Variants in ACACA observed in about 807,000 individuals in gnomAD.
ACACA encodes the protein acetyl-CoA carboxylase 1.
A neutral mutation model predicts 296.1 loss-of-function variants in ACACA; 103 were observed. The observed-to-expected ratio is 0.35, with a 90% CI of 0.30 to 0.41. The LOEUF is 0.41. Among genes scored for constraint, ACACA ranks in the 10% least tolerant of loss-of-function variants. ACACA has a pLI of 1.00. For synonymous variants in ACACA, 953 were observed against 1,038.6 expected, an observed-to-expected ratio of 0.92 and a Z score of 1.58; for missense variants, 1,554 against 2,989.7, an observed-to-expected ratio of 0.52 and a Z score of 11.20.
At position 37,283,413 on chromosome 17, in the gene ACACA, G is replaced by A; in HGVS notation, c.472-8C>T. 1.2e-6 allele frequency: 2 copies of A among 1,614,058 alleles called. No individual in the cohort carries two copies. The highest frequency in any genetic ancestry group is 1.7e-6 in the Non-Finnish European group (2 of 1,179,960). On this transcript the variant is annotated splice_polypyrimidine_tract_variant and splice_region_variant and intron_variant, in intron 4 of 55. Coordinates refer to ENST00000616317, the MANE Select transcript of ACACA (RefSeq NM_198834.3). ...ATTGTTAGCAATAAGAACCTGGGAG[G>A]GGGAAGGAGATGGGAATGGGAAGAA...
intron 3 of ACACA, chr17:37,301,535 G>A (rs571270783): frequency 7.5e-5 from 22 of 293,732 alleles, no homozygotes; most frequent in African/African-American, 5.0e-4. Context: ...CACACTGTGA[G>A]AGACTGTTTT....
chr17:37,244,737 G>A lies in ACACA; in HGVS notation c.2596-3C>T, dbSNP rs1448020665. On this transcript the variant is annotated splice_polypyrimidine_tract_variant and splice_region_variant and intron_variant, in intron 20 of 55. Transcript: ENST00000616317. ...AGACTACCTGTGTGAAGTTCAGCCT[G>A]TCAACCCCAACAAGAGATCAAGTCA... The A allele has an allele frequency of 1.2e-6, 2 of 1,614,048 alleles. No individual in the cohort carries two copies. The highest frequency in any genetic ancestry group is 1.7e-6 in the Non-Finnish European group (2 of 1,180,036).
chr17:37,200,119 T>A lies in ACACA; in HGVS notation c.4158+20A>T. 6.4e-7 allele frequency: 1 copy of A among 1,554,952 alleles called. No homozygotes were observed. Among genetic ancestry groups the A allele is most frequent in the South Asian group, 1.1e-5 (1 of 89,796 alleles). On this transcript the variant is annotated intron_variant, in intron 35 of 55. Coordinates refer to ENST00000616317, the MANE Select transcript of ACACA (RefSeq NM_198834.3). ...AAATAAAACAGTAAGTAATCTTTCA[T>A]TATTGTTCATTTTACTTACATGAAA...
intron 1 of ACACA, among the ~76,000 whole-genome samples, chr17:37,357,079 G>T (rs2049176818): frequency 6.6e-6 from 1 of 152,198 alleles, no homozygotes; most frequent in Non-Finnish European, 1.5e-5. Context: ...CAGGTCTTCA[G>T]CATTACCTAG....
Position 37,113,319 on chromosome 17 carries a change from T to G in ACACA, c.6275-54A>C. The G allele has an allele frequency of 6.3e-7, 1 of 1,583,190 alleles. No individual in the cohort carries two copies. The highest frequency in any genetic ancestry group is 1.1e-5 in the South Asian group (1 of 88,796). On this transcript the variant is annotated intron_variant, in intron 50 of 55. Transcript: ENST00000616317. This position sits in a 1 kb window ranked among gnomAD's most constrained non-coding sequence, Gnocchi z 4.0. ...AAGAAATTTCTCTTCCTCAAAGCAG[T>G]ACTTTTAAACACTGTTCAGGACCTC...
chr17:37,380,076 C>G (rs2050179452), intron 1 of ACACA, among the ~76,000 whole-genome samples: 3 of 151,740 alleles, frequency 2.0e-5, no homozygotes, highest in Admixed American at 2.0e-4. Flanking sequence ...ACATATACAC[C>G]ATGGAATACT....
chr17:37,256,854 A>T (rs946789516), intron 14 of ACACA, among the ~76,000 whole-genome samples: 7 of 152,212 alleles, frequency 4.6e-5, no homozygotes, highest in African/African-American at 1.7e-4. Context: ...TTAGTAATTA[A>T]TACTAATAAA....
intron 2 of ACACA, among the ~76,000 whole-genome samples, chr17:37,336,424 G>C (rs533050128): frequency 6.6e-6 from 1 of 152,164 alleles, no homozygotes; most frequent in Non-Finnish European, 1.5e-5. Context: ...GAAGGTGACC[G>C]CTTCCACCTT....
intron 6 of ACACA, among the ~76,000 whole-genome samples, 185 bp downstream of exon 6, chr17:37,277,710 CT>C (rs2082339083): frequency 6.6e-6 from 1 of 150,896 alleles, no homozygotes; most frequent in Non-Finnish European, 1.5e-5. Flanking sequence ...ATTACGTTTA[CT>C]TTATTTTTAG....
chr17:37,248,231 A>C, intron 17 of ACACA, 75 bp from the exon 18 acceptor site: 1 of 1,561,166 alleles, frequency 6.4e-7, no homozygotes, highest in Non-Finnish European at 8.8e-7. Context: ...TGCTTCAAAA[A>C]TACAGATAAG....
At chr17:37,088,691 G>C (rs1008249636) in intron 55 of ACACA, among the ~76,000 whole-genome samples, 2 of 152,154 alleles carry the variant, frequency 1.3e-5, no homozygotes, top group African/African-American at 4.8e-5. Flanking sequence ...TCAGAGCTAA[G>C]AGGTGGGCAC....
At chr17:37,344,093 T>C (rs1043203110) in intron 1 of ACACA, among the ~76,000 whole-genome samples, 15 of 150,872 alleles carry the variant, frequency 9.9e-5, no homozygotes, top group Admixed American at 7.3e-4. Context: ...AATAAAAAGA[T>C]AAAAAATAAA....
chr17:37,230,033 C>T (rs988409422), intron 25 of ACACA, among the ~76,000 whole-genome samples: 1 of 150,822 alleles, frequency 6.6e-6, no homozygotes, highest in South Asian at 2.1e-4. Context: ...TGCACTACAG[C>T]CTGGGCAACA....
intron 1 of ACACA, among the ~76,000 whole-genome samples, chr17:37,390,305 T>TTTATATATATATATA (rs1568095946): frequency 5.6e-4 from 9 of 16,098 alleles, no homozygotes; most frequent in South Asian, 2.1e-3. Context: ...TATACATAAT[T>TTTATATATATATATA]ATATATATAT....
rs986101908 is a variant in ACACA at position 37,231,219 on chromosome 17, A to T, written c.3246+3756T>A. Among the ~76,000 whole-genome samples the T allele has an allele frequency of 2.2e-3, 286 of 132,428 alleles. 2 individuals carry two copies. The East Asian group carries it at 0.029, about 14-fold the overall frequency. The allele number at this position is 132,428 out of a possible 152,430, so 86.9% of individuals were successfully genotyped here. On this transcript the variant is annotated intron_variant, in intron 25 of 55. Transcript: ENST00000616317. ...CACAGTGAGACCACATCTTTAATTTAAAAAAAAAAAAAAAAAGCATAGCCA... is the reference window on the plus strand; with the variant it reads ...CACAGTGAGACCACATCTTTAATTTTAAAAAAAAAAAAAAAAGCATAGCCA...
In ACACA at chr17:37,181,370, A is replaced by C. The variant is rs2077309404; in HGVS notation, c.4777-14T>G. ...CTGAAACATGATCTGCAGGAAAAAA[A>C]AATGGCATGGGGAGTTAAGAGACAG... On this transcript the variant is annotated splice_polypyrimidine_tract_variant and intron_variant, in intron 39 of 55. Coordinates refer to ENST00000616317, the MANE Select transcript of ACACA (RefSeq NM_198834.3). 9 of 1,614,086 alleles carry C rather than the reference A, an allele frequency of 5.6e-6. No individual in the cohort carries two copies. Among genetic ancestry groups the C allele is most frequent in the Non-Finnish European group, 7.6e-6 (9 of 1,179,994 alleles).
intron 3 of ACACA, among the ~76,000 whole-genome samples, chr17:37,304,384 T>C (rs1235353212): frequency 1.3e-5 from 2 of 152,132 alleles, no homozygotes; most frequent in African/African-American, 2.4e-5. Context: ...CTCAAATTCC[T>C]GGGCTCAGGA....
chr17:37,111,509 C>A (rs2073970502), intron 52 of ACACA, 22 bp downstream of exon 52: 3 of 1,574,148 alleles, frequency 1.9e-6, no homozygotes, highest in Admixed American at 3.3e-5. Flanking sequence ...CATTGATTTG[C>A]CAGAAGGACA....
At chr17:37,287,786 A>G (rs1013187810) in intron 3 of ACACA, among the ~76,000 whole-genome samples, 1 of 151,558 alleles carries the variant, frequency 6.6e-6, no homozygotes, top group African/African-American at 2.4e-5. Context: ...GGGACAGTTC[A>G]GAGTCTAGCA....
Sources: allele counts gnomAD v4.1 joint callset (sites outside exome capture counted in the v4.1 genomes callset), GRCh38; gene constraint gnomAD v4.1.1; non-coding constraint Gnocchi (gnomAD v3.1); transcripts MANE v1.5; gene names NCBI Gene and HGNC (gene_info 2026-07-23, HGNC 2026-07-21).